STARD10: variants seen among roughly 807,000 people sequenced by gnomAD.
STARD10 encodes START domain-containing protein 10.
A neutral mutation model predicts 36.0 loss-of-function variants in STARD10; 24 were observed. The ratio of observed to expected loss-of-function variants is 0.67; its 90% CI spans 0.48 to 0.94. The LOEUF is 0.94. STARD10 is among the 40% of genes least tolerant of loss of function. STARD10 has a pLI of 0.00. For synonymous variants in STARD10, 156 were observed against 161.9 expected (o/e 0.96, Z 0.28); for missense variants, 335 against 396.6 (o/e 0.84, Z 1.32).
In STARD10 at chr11:72,754,932, C is replaced by T. The variant is rs1858620534; in HGVS notation, c.841G>A (p.Gly281Ser). 5 of 1,600,546 alleles carry T rather than the reference C, an allele frequency of 3.1e-6. No individual in the cohort carries two copies. The highest frequency in any genetic ancestry group is 4.5e-5 in the East Asian group (2 of 44,460). ...SREERMGGAGGEGSDDDTSLT is the reference protein window; with the variant it reads ...SREERMGGAGSEGSDDDTSLT ...GAGGTGTCGTCGTCGCTGCCCTCGC[C>T]GCCCGCGCCGCCCATCCGCTCCTCT... The change falls in exon 7 of 7, where the codon GGC (glycine) becomes AGC (serine). Residue 281 changes from glycine to serine, a missense_variant. Coordinates refer to ENST00000334805, the MANE Select transcript of STARD10 (RefSeq NM_006645.3).
intron 2 of STARD10, among the ~76,000 whole-genome samples, chr11:72,767,076 G>A (rs1426448491): frequency 1.3e-5 from 2 of 152,198 alleles, no homozygotes; most frequent in African/African-American, 2.4e-5. Context: ...GTTTTGTGAT[G>A]AGAGTAACTG....
At chr11:72,785,914 C>T (rs1475092727) in intron 1 of STARD10, 1 of 152,270 alleles carries the variant, frequency 6.6e-6, no homozygotes, top group Non-Finnish European at 1.5e-5. Flanking sequence ...CAGGGGTAAC[C>T]CTGCCTGCCA....
chr11:72,758,582 C>T lies in STARD10; in HGVS notation c.407G>A (p.Trp136Ter). Residue 136 changes from tryptophan to a stop codon, truncating the protein, a stop_gained, in exon 4 of 7, where the codon TGG becomes TAG. Coordinates refer to ENST00000334805, the MANE Select transcript of STARD10 (RefSeq NM_006645.3). LOFTEE classifies it high-confidence loss of function. ...GATGTAATCAGCGCCCATGGGGAGC[C>T]AGGAGCGGAGGGTGATGACATCACG... ...KNRDVITLRSWLPMGADYIIM... is the reference protein window; with the variant it reads ...KNRDVITLRS The T allele has an allele frequency of 6.2e-7, 1 of 1,614,076 alleles. No homozygotes were observed. The highest frequency in any genetic ancestry group is 1.1e-5 in the South Asian group (1 of 91,082).
intron 1 of STARD10, among the ~76,000 whole-genome samples, chr11:72,791,944 G>A (rs974954215): frequency 6.6e-6 from 1 of 151,582 alleles, no homozygotes; most frequent in Non-Finnish European, 1.5e-5. Context: ...GCACCATCTC[G>A]GCCCACGACA....
chr11:72,756,234 C>A (rs1375675359), intron 5 of STARD10, among the ~76,000 whole-genome samples: 1 of 152,196 alleles, frequency 6.6e-6, no homozygotes, highest in Non-Finnish European at 1.5e-5. Context: ...CAGCTCTCCA[C>A]CCTATCTCAT....
intron 2 of STARD10, among the ~76,000 whole-genome samples, chr11:72,772,350 T>G (rs920181241): frequency 2.0e-5 from 3 of 151,826 alleles, no homozygotes; most frequent in Non-Finnish European, 2.9e-5. Flanking sequence ...TGGGCACGGT[T>G]CTCCCTGTGC....
At chr11:72,780,282 G>T in intron 2 of STARD10, 1 of 391,688 alleles carries the variant, frequency 2.6e-6, no homozygotes, top group Non-Finnish European at 5.3e-6. Flanking sequence ...GAGCAGGGGA[G>T]ATGGCTGTGA....
In STARD10 at chr11:72,781,233, C is replaced by T. The variant is rs777983921; in HGVS notation, c.-52G>A. ...TGGTCCTAGTCCGGCTCTCCTGGGT[C>T]CTCCGCGGAGGCTCCGACAACGTCG... On this transcript the variant is annotated 5_prime_UTR_variant, in exon 2 of 7. Transcript: ENST00000334805. This position sits in a 1 kb window ranked among gnomAD's most constrained non-coding sequence, Gnocchi z 4.7. 38 of 1,534,266 alleles carry T rather than the reference C, an allele frequency of 2.5e-5. 1 individual carries two copies. In the East Asian group the frequency reaches 7.7e-4, roughly 31 times the overall value.
At chr11:72,765,552 C>T (rs1858776047) in intron 2 of STARD10, among the ~76,000 whole-genome samples, 1 of 152,100 alleles carries the variant, frequency 6.6e-6, no homozygotes, top group Non-Finnish European at 1.5e-5. Flanking sequence ...CTCCTGGGCA[C>T]AAGAGTTAAT....
intron 2 of STARD10, among the ~76,000 whole-genome samples, chr11:72,761,938 T>TTTTTTTTTTTTTTTTC: frequency 7.1e-6 from 1 of 141,454 alleles, no homozygotes; most frequent in Non-Finnish European, 1.5e-5. Flanking sequence ...TTTTTTTTTT[T>TTTTTTTTTTTTTTTTC]TTTTGAGATG....
Position 72,781,104 on chromosome 11 carries a change from A to G in STARD10, c.78T>C (p.Asp26=). The stretch of plus-strand genomic sequence containing the variant: ...ACCGGAAGCTGCGAAAGTCTTGGTC[A>G]TCGGGCACCTGGACACTCTCACGGC... ...VLGRESVQVP[D]DQDFRSFRSE... Residue 26 remains aspartate (D), a synonymous_variant, in exon 2 of 7, where the codon GAT becomes GAC. Coordinates refer to ENST00000334805, the MANE Select transcript of STARD10 (RefSeq NM_006645.3). This position sits in a 1 kb window ranked among gnomAD's most constrained non-coding sequence, Gnocchi z 4.7. The G allele has an allele frequency of 6.2e-7, 1 of 1,613,976 alleles. No individual in the cohort carries two copies. The highest frequency in any genetic ancestry group is 8.5e-7 in the Non-Finnish European group (1 of 1,180,024).
chr11:72,789,016 C>T (rs1028095920), intron 1 of STARD10, among the ~76,000 whole-genome samples: 1 of 151,966 alleles, frequency 6.6e-6, no homozygotes, highest in Non-Finnish European at 1.5e-5. Context: ...CTGCCACGCC[C>T]AGCTAACTTT....
chr11:72,760,908 T>A (rs1435504634), intron 2 of STARD10, among the ~76,000 whole-genome samples: 1 of 152,004 alleles, frequency 6.6e-6, no homozygotes, highest in Non-Finnish European at 1.5e-5. Flanking sequence ...TTTAAAAAGA[T>A]CTCCCAGAAC....
chr11:72,783,394 C>G (rs1312192868), intron 1 of STARD10: 1 of 152,146 alleles, frequency 6.6e-6, no homozygotes, highest in African/African-American at 2.4e-5. Flanking sequence ...AAACCACACT[C>G]CTGAAAAGTG....
rs1405204522 is a variant in STARD10 at position 72,755,688 on chromosome 11, C to A, written c.630+13G>T. 1 of 1,613,712 alleles carries A rather than the reference C, an allele frequency of 6.2e-7. No individual in the cohort carries two copies. The highest frequency in any genetic ancestry group is 8.5e-7 in the Non-Finnish European group (1 of 1,179,788). On this transcript the variant is annotated intron_variant, in intron 6 of 6. Coordinates refer to ENST00000334805, the MANE Select transcript of STARD10 (RefSeq NM_006645.3). ...TCTTCAACACCCCTCCCCAAAATCC[C>A]AAGGCCACTCACCTTGGGAGCCAGG...
chr11:72,778,442 C>T (rs1858953338), intron 2 of STARD10, among the ~76,000 whole-genome samples: 1 of 152,194 alleles, frequency 6.6e-6, no homozygotes, highest in Admixed American at 6.5e-5. Flanking sequence ...CCTGGGAGTC[C>T]TGCAATCTTG....
chr11:72,758,510 G>A lies in STARD10; in HGVS notation c.459+20C>T, dbSNP rs1858676293. ...TGACCCTCTCCCCTGCTCCACCGCA[G>A]GGAAGGCAGGTTGACTCACGGGATG... On this transcript the variant is annotated intron_variant, in intron 4 of 6. Coordinates refer to ENST00000334805, the MANE Select transcript of STARD10 (RefSeq NM_006645.3). 6.2e-7 allele frequency: 1 copy of A among 1,603,084 alleles called. No homozygotes were observed. Among genetic ancestry groups the A allele is most frequent in the Non-Finnish European group, 8.5e-7 (1 of 1,170,448 alleles).
chr11:72,776,781 C>T (rs892475806), intron 2 of STARD10, among the ~76,000 whole-genome samples: 1 of 152,064 alleles, frequency 6.6e-6, no homozygotes, highest in Admixed American at 6.6e-5. Context: ...ACCCCTGAGC[C>T]ATCTGGCATT....
At chr11:72,786,334 A>G (rs927587085) in intron 1 of STARD10, among the ~76,000 whole-genome samples, 1 of 152,100 alleles carries the variant, frequency 6.6e-6, no homozygotes, top group African/African-American at 2.4e-5. Flanking sequence ...CCTGGGTGAC[A>G]GAGCAAGACT....
Sources: gnomAD v4.1 joint callset for allele counts (sites outside exome capture counted in the v4.1 genomes callset) on GRCh38, gnomAD v4.1.1 for gene constraint, Gnocchi (gnomAD v3.1) non-coding constraint, MANE v1.5 for transcripts, NCBI Gene and HGNC (gene_info 2026-07-23, HGNC 2026-07-21) for gene names.